Variants in CORO2B observed in about 807,000 individuals in gnomAD.
The protein encoded by CORO2B is coronin-2B.
CORO2B carries 26 observed loss-of-function variants against 58.8 expected under a neutral mutation model. That is an observed-to-expected ratio of 0.44 (90% confidence interval 0.32 to 0.61). The LOEUF is 0.61. CORO2B is among the 20% of genes least tolerant of loss of function. The pLI, the probability that CORO2B is intolerant of heterozygous loss-of-function variation, is 0.04. For missense variants in CORO2B, 460 were observed against 645.1 expected, an observed-to-expected ratio of 0.71 and a Z score of 3.11; for synonymous variants, 242 against 253.8, an observed-to-expected ratio of 0.95 and a Z score of 0.44.
the CORO2B span, among the ~76,000 whole-genome samples, chr15:68,524,849 G>C: frequency 1.3e-5 from 2 of 152,186 alleles, no homozygotes; most frequent in Admixed American, 1.3e-4. Flanking sequence ...TTGCCGAATT[G>C]ATTTATATTA....
rs1902254275 is a variant in CORO2B at position 68,668,054 on chromosome 15, CT to C, written c.216+22695del. On this transcript the variant is annotated intron_variant, in intron 2 of 11. Coordinates refer to ENST00000261861, the MANE Select transcript of CORO2B (RefSeq NM_006091.5). ...GGACTGTTCTAAGCTCTTGAGACGCCTGGTGCCACTGAATACTCAGCAACCT... is the reference window on the plus strand; with the variant it reads ...GGACTGTTCTAAGCTCTTGAGACGCCGGTGCCACTGAATACTCAGCAACCT... Among the ~76,000 whole-genome samples the C allele has an allele frequency of 2.0e-5, 3 of 152,358 alleles. No individual in the cohort carries two copies. The South Asian group carries it at 6.2e-4, about 32-fold the overall frequency.
At chr15:68,720,905 G>C (rs183073178) in intron 11 of CORO2B, among the ~76,000 whole-genome samples, 10 of 152,020 alleles carry the variant, frequency 6.6e-5, no homozygotes, top group Non-Finnish European at 1.2e-4. Flanking sequence ...TTTTTGTTTT[G>C]AGACAGAGTC....
intron 2 of CORO2B, among the ~76,000 whole-genome samples, chr15:68,681,987 C>T (rs1353669870): frequency 2.0e-5 from 3 of 152,190 alleles, no homozygotes; most frequent in Non-Finnish European, 4.4e-5. Flanking sequence ...ACCAAGACAG[C>T]TCCGGAGGGC....
intron 9 of CORO2B, 115 bp from the exon 10 acceptor site, chr15:68,719,029 T>G: frequency 1.1e-6 from 1 of 940,258 alleles, no homozygotes; most frequent in Non-Finnish European, 1.7e-6. Flanking sequence ...TGCAAAGGCA[T>G]AGAGGCAGGA....
chr15:68,685,643 C>T (rs1412241387), intron 2 of CORO2B, among the ~76,000 whole-genome samples: 4 of 152,212 alleles, frequency 2.6e-5, no homozygotes, highest in Non-Finnish European at 5.9e-5. Flanking sequence ...GCTATGGAGC[C>T]TCTAGGGTAG....
chr15:68,725,986 G>T lies in CORO2B; in HGVS notation c.*12G>T, dbSNP rs1435277911. The T allele has an allele frequency of 1.2e-6, 2 of 1,612,494 alleles. No individual in the cohort carries two copies. The highest frequency in any genetic ancestry group is 3.3e-5 in the Admixed American group (2 of 60,014). On this transcript the variant is annotated 3_prime_UTR_variant, in exon 12 of 12. Coordinates refer to ENST00000261861, the MANE Select transcript of CORO2B (RefSeq NM_006091.5). ...CCAAGAACTGTTAGCTCCCCAGCTGGGCTGTTTTCTAAGCCGATCTCTCCG... is the reference window on the plus strand; with the variant it reads ...CCAAGAACTGTTAGCTCCCCAGCTGTGCTGTTTTCTAAGCCGATCTCTCCG...
intron 5 of CORO2B, 124 bp from the exon 6 acceptor site, chr15:68,713,801 A>G (rs1892971171): frequency 3.0e-6 from 2 of 669,540 alleles, no homozygotes; most frequent in South Asian, 3.7e-5. Flanking sequence ...TTTTCCAAAT[A>G]AGGAAATAAT....
At chr15:68,687,335 T>C (rs1357361990) in intron 2 of CORO2B, among the ~76,000 whole-genome samples, 2 of 152,232 alleles carry the variant, frequency 1.3e-5, no homozygotes, top group Non-Finnish European at 2.9e-5. Context: ...TGCTTCCATG[T>C]ACAAAATTCA....
At chr15:68,570,885 A>G in the CORO2B span, among the ~76,000 whole-genome samples, 2 of 136,520 alleles carry the variant, frequency 1.5e-5, no homozygotes, top group Non-Finnish European at 1.5e-5. Context: ...TCAATCCTCC[A>G]GCCTCAGCCG....
At chr15:68,554,871 C>CCA in the CORO2B span, among the ~76,000 whole-genome samples, 7 of 106,786 alleles carry the variant, frequency 6.6e-5, no homozygotes, top group South Asian at 1.8e-3. Context: ...TCAGAAAAGG[C>CCA]CACTCGACAG....
At chr15:68,651,586 T>C (rs1901643939) in intron 2 of CORO2B, among the ~76,000 whole-genome samples, 2 of 152,228 alleles carry the variant, frequency 1.3e-5, no homozygotes, top group Non-Finnish European at 2.9e-5. Context: ...TATTAATTCA[T>C]GGTGGGACAG....
Position 68,711,628 on chromosome 15 carries a change from G to A in CORO2B, c.570G>A (p.Thr190=), listed in dbSNP as rs112805297. The A allele has an allele frequency of 9.3e-5, 150 of 1,614,080 alleles. No homozygotes were observed. The African/African-American group carries it at 9.3e-4, about 10-fold the overall frequency. ...TGATCCTCTGCATGTCCTTCAACAC[G>A]GACGGCAGCCTGCTCACCACCACGT... The part of the protein sequence containing the change: ...TDVILCMSFN[T]DGSLLTTTCK... Residue 190 remains threonine, a synonymous_variant, in exon 5 of 12, where the codon ACG becomes ACA. Coordinates refer to ENST00000261861, the MANE Select transcript of CORO2B (RefSeq NM_006091.5).
chr15:68,525,078 T>C, the CORO2B span, among the ~76,000 whole-genome samples: 2 of 152,212 alleles, frequency 1.3e-5, no homozygotes, highest in Non-Finnish European at 2.9e-5. Flanking sequence ...TGGGTATAAC[T>C]AAATCAGCCA....
intron 1 of CORO2B, among the ~76,000 whole-genome samples, chr15:68,598,754 T>C (rs1439285251): frequency 6.6e-6 from 1 of 152,222 alleles, no homozygotes; most frequent in Non-Finnish European, 1.5e-5. Context: ...ATCTGCTAAC[T>C]GGACTTTGTT....
At chr15:68,577,910 A>C (rs958816538), upstream of CORO2B, among the ~76,000 whole-genome samples, 1 of 152,048 alleles carries the variant, frequency 6.6e-6, no homozygotes, top group African/African-American at 2.4e-5. Flanking sequence ...TTCGCTGTCC[A>C]GGTGAATTGC....
intron 2 of CORO2B, among the ~76,000 whole-genome samples, chr15:68,677,586 G>A (rs966063291): frequency 2.0e-5 from 3 of 152,212 alleles, no homozygotes; most frequent in African/African-American, 7.2e-5. Flanking sequence ...GCTTGGAGAG[G>A]CAAAGGTTAC....
the CORO2B span, among the ~76,000 whole-genome samples, chr15:68,551,073 G>A: frequency 6.6e-6 from 1 of 152,138 alleles, no homozygotes. Flanking sequence ...TGACTCTCTG[G>A]GGGGAAGAGG....
intron 1 of CORO2B, among the ~76,000 whole-genome samples, chr15:68,612,121 T>C (rs1012784958): frequency 2.0e-5 from 3 of 152,238 alleles, no homozygotes; most frequent in African/African-American, 4.8e-5. Flanking sequence ...GTGTCCACAC[T>C]GCTCATTGTT....
rs563031541 is a variant in CORO2B at position 68,714,182 on chromosome 15, C to T, written c.765+141C>T. ...CAGTGGAGAAATCAGACAGAGACCCCCAGAGGCCGAGCTTGGGTACAGAGG... is the reference window on the plus strand; with the variant it reads ...CAGTGGAGAAATCAGACAGAGACCCTCAGAGGCCGAGCTTGGGTACAGAGG... On this transcript the variant is annotated intron_variant, in intron 6 of 11. Transcript: ENST00000261861. 5.4e-5 allele frequency: 34 copies of T among 626,070 alleles called. No individual in the cohort carries two copies. The East Asian group carries it at 5.8e-4, about 11-fold the overall frequency. The allele number at this position is 626,070 out of a possible 1,614,324, so 38.8% of individuals were successfully genotyped here.
Sources: gnomAD v4.1 joint callset for allele counts (sites outside exome capture counted in the v4.1 genomes callset) on GRCh38, gnomAD v4.1.1 for gene constraint, MANE v1.5 for transcripts, NCBI Gene and HGNC (gene_info 2026-07-23, HGNC 2026-07-21) for gene names.